The following CD55 variants were observed in gnomAD, a reference collection of about 807,000 sequenced individuals.
CD55 encodes the protein CD55 molecule (Cromer blood group).
A neutral mutation model predicts 45.8 loss-of-function variants in CD55; 41 were observed. That is an observed-to-expected ratio of 0.90 (90% CI 0.70 to 1.16). CD55 has a LOEUF of 1.16. CD55 is among the 50% of genes most tolerant of loss of function. The pLI is 0.00. For synonymous variants in CD55, 181 were observed against 181.1 expected (o/e 1.00, Z 0.01); for missense variants, 416 against 469.8 (o/e 0.89, Z 1.06).
intron 5 of CD55, among the ~76,000 whole-genome samples, chr1:207,327,934 C>T (rs1000742550): frequency 5.9e-5 from 9 of 152,072 alleles, no homozygotes; most frequent in African/African-American, 1.9e-4. Context: ...TTCCCATTTT[C>T]GTTGTCCAGT....
chr1:207,360,128 T>C lies in CD55; in HGVS notation c.*518T>C, dbSNP rs1002149880. 1 of 152,244 alleles carries C rather than the reference T, an allele frequency of 6.6e-6. No homozygotes were observed. The highest frequency in any genetic ancestry group is 2.4e-5 in the African/African-American group (1 of 41,440). 9.4% of individuals were successfully genotyped at this position (152,244 alleles called of 1,614,324 possible). On this transcript the variant is annotated 3_prime_UTR_variant, in exon 10 of 10. Coordinates refer to ENST00000367064, the MANE Select transcript of CD55 (RefSeq NM_000574.5). ...TCTTTCCTTCGGGTTGGCAAAATAT[T>C]TTAAAGGTAAAACATGCTGGTGAAC...
chr1:207,336,110 A>C (rs926715987), intron 6 of CD55, among the ~76,000 whole-genome samples: 1 of 152,300 alleles, frequency 6.6e-6, no homozygotes, highest in East Asian at 1.9e-4. Flanking sequence ...TATGTTCTTA[A>C]TGAAAGTTTC....
rs777960001 is a variant in CD55 at position 207,337,436 on chromosome 1, G to A, written c.1060+27G>A. 4.1e-6 allele frequency: 5 copies of A among 1,224,696 alleles called. No individual in the cohort carries two copies. In the East Asian group the frequency reaches 1.2e-4, roughly 28 times the overall value. The allele number at this position is 1,224,696 out of a possible 1,614,324, so 75.9% of individuals were successfully genotyped here. On this transcript the variant is annotated intron_variant, in intron 8 of 9. Transcript: ENST00000367064. The stretch of plus-strand genomic sequence containing the variant: ...TCAGTTGACACTGTTCAGGTTTACT[G>A]AGTATGGATCTAATGTGCTATGGTG...
intron 6 of CD55, 73 bp downstream of exon 6, chr1:207,331,369 A>G (rs1169314015): frequency 5.2e-6 from 6 of 1,156,928 alleles, no homozygotes; most frequent in African/African-American, 4.7e-5. Context: ...CAGACATTCA[A>G]TGAACCCCCT....
chr1:207,343,570 T>C (rs1352462023), intron 9 of CD55, among the ~76,000 whole-genome samples: 3 of 152,222 alleles, frequency 2.0e-5, no homozygotes, highest in South Asian at 2.1e-4. Flanking sequence ...TTCAAATTTA[T>C]TGAGACTTGT....
At chr1:207,328,477 T>C (rs1244497173) in intron 5 of CD55, among the ~76,000 whole-genome samples, 1 of 152,244 alleles carries the variant, frequency 6.6e-6, no homozygotes, top group African/African-American at 2.4e-5. Context: ...TCAGTGTCCA[T>C]GCGTGAATAT....
chr1:207,353,118 A>G (rs532592774), intron 9 of CD55, among the ~76,000 whole-genome samples: 59 of 131,872 alleles, frequency 4.5e-4, no homozygotes, highest in Middle Eastern at 9.9e-3. Flanking sequence ...CAGTGGTGCA[A>G]TCTCGGCTCA....
chr1:207,354,001 T>C (rs1189478516), intron 9 of CD55: 2 of 1,533,466 alleles, frequency 1.3e-6, no homozygotes, highest in African/African-American at 1.4e-5. Context: ...ATTTCCACTT[T>C]GTTAGCTCTG....
At chr1:207,353,708 TA>T (rs28371637) in intron 9 of CD55, among the ~76,000 whole-genome samples, 2,171 of 152,150 alleles carry the variant, frequency 0.014, 63 homozygotes, top group African/African-American at 0.05. Context: ...TTTCCCTTAT[TA>T]AAAAAATTGA....
intron 9 of CD55, among the ~76,000 whole-genome samples, chr1:207,354,828 A>C (rs751212576): frequency 2.0e-5 from 3 of 152,232 alleles, no homozygotes; most frequent in Non-Finnish European, 2.9e-5. Flanking sequence ...CTGTTAAACC[A>C]TCAGCCTCTA....
chr1:207,359,387 G>A (rs1656199510), intron 9 of CD55, among the ~76,000 whole-genome samples, 159 bp from the exon 10 acceptor site: 1 of 151,282 alleles, frequency 6.6e-6, no homozygotes, highest in Non-Finnish European at 1.5e-5. Context: ...GTAGAATCTT[G>A]TCCATATTCT....
intron 1 of CD55, 35 bp downstream of exon 1, chr1:207,321,900 G>T: frequency 7.0e-7 from 1 of 1,437,656 alleles, no homozygotes; most frequent in Non-Finnish European, 9.3e-7. Flanking sequence ...GAAGCCCCTG[G>T]GCTGGGTGGG....
At chr1:207,329,027 T>G (rs6703002) in intron 5 of CD55, among the ~76,000 whole-genome samples, 105,262 of 152,118 alleles carry the variant, frequency 0.69, 36,895 homozygotes, top group Middle Eastern at 0.83. Context: ...CCATAACTTG[T>G]ATCCACCCTC....
Position 207,341,273 on chromosome 1 carries a change from T to A in CD55, c.1081+1856T>A, listed in dbSNP as rs143159293. On this transcript the variant is annotated intron_variant, in intron 9 of 9. Transcript: ENST00000367064. ...TGTACACAAGCTTTTTAGTTTAATATAGTCCTATTTATCTATTTTTGTTTT... is the reference window on the plus strand; with the variant it reads ...TGTACACAAGCTTTTTAGTTTAATAAAGTCCTATTTATCTATTTTTGTTTT... Among the ~76,000 whole-genome samples the A allele has an allele frequency of 9.2e-5, 14 of 152,330 alleles. No homozygotes were observed. The East Asian group carries it at 2.7e-3, about 29-fold the overall frequency.
chr1:207,354,432 T>C (rs1656003075), intron 9 of CD55, among the ~76,000 whole-genome samples: 2 of 152,232 alleles, frequency 1.3e-5, no homozygotes, highest in Admixed American at 6.5e-5. Context: ...GGTGGCAAAC[T>C]GCTTTGCAAT....
At chr1:207,333,865 A>G (rs961222817) in intron 6 of CD55, among the ~76,000 whole-genome samples, 6 of 152,178 alleles carry the variant, frequency 3.9e-5, no homozygotes, top group Admixed American at 1.3e-4. Context: ...TGAAATATAG[A>G]TAAAAGTTTG....
At chr1:207,342,606 T>C (rs1275239990) in intron 9 of CD55, among the ~76,000 whole-genome samples, 1 of 152,182 alleles carries the variant, frequency 6.6e-6, no homozygotes, top group African/African-American at 2.4e-5. Context: ...GCTAATACTT[T>C]GCTGAGAATT....
intron 5 of CD55, among the ~76,000 whole-genome samples, chr1:207,330,041 C>CG (rs1214492151): frequency 6.4e-5 from 1 of 15,536 alleles, no homozygotes; most frequent in Non-Finnish European, 1.6e-4. Context: ...AATCTTTTTT[C>CG]CCACTAGCTT....
intron 9 of CD55, chr1:207,347,225 T>A (rs1413728912): frequency 2.2e-6 from 1 of 455,616 alleles, no homozygotes; most frequent in Non-Finnish European, 4.4e-6. Flanking sequence ...ACAATCAACA[T>A]GTAGCATTCA....
Sources: allele counts gnomAD v4.1 joint callset (sites outside exome capture counted in the v4.1 genomes callset), GRCh38; gene constraint gnomAD v4.1.1; transcripts MANE v1.5; gene names NCBI Gene and HGNC (gene_info 2026-07-23, HGNC 2026-07-21).